Variants in PARP8 observed in about 807,000 individuals in gnomAD.
PARP8 encodes the protein protein mono-ADP-ribosyltransferase PARP8.
PARP8 carries 51 observed loss-of-function variants against 124.1 expected under a neutral mutation model. That is an observed-to-expected ratio of 0.41 (90% CI 0.33 to 0.52). The LOEUF is 0.52. PARP8 is among the 20% of genes least tolerant of loss of function. The pLI is 0.21. For missense variants in PARP8, 860 were observed against 1,018.9 expected, an observed-to-expected ratio of 0.84 and a Z score of 2.12; for synonymous variants, 391 against 361.5, an observed-to-expected ratio of 1.08 and a Z score of -0.93.
At chr5:50,687,268 T>C (rs1751973330) in intron 2 of PARP8, among the ~76,000 whole-genome samples, 1 of 152,186 alleles carries the variant, frequency 6.6e-6, no homozygotes, top group Admixed American at 6.5e-5. Context: ...GCTGCCAGTC[T>C]CTTTGCTAAA....
intron 10 of PARP8, among the ~76,000 whole-genome samples, chr5:50,792,014 G>A (rs1742012956): frequency 1.3e-5 from 2 of 152,170 alleles, no homozygotes; most frequent in African/African-American, 2.4e-5. Flanking sequence ...ATGTAAAACA[G>A]TGTGATGTCA....
chr5:50,706,623 T>A (rs1754176605), intron 2 of PARP8, among the ~76,000 whole-genome samples: 2 of 152,156 alleles, frequency 1.3e-5, no homozygotes, highest in South Asian at 4.1e-4. Context: ...TAAGACTATT[T>A]TCTCAGCATA....
At chr5:50,720,784 A>G (rs1430361232) in intron 2 of PARP8, among the ~76,000 whole-genome samples, 1 of 151,960 alleles carries the variant, frequency 6.6e-6, no homozygotes, top group East Asian at 1.9e-4. Context: ...GAAATACACC[A>G]TGCTTTTGAG....
chr5:50,761,244 G>A (rs990636410), intron 5 of PARP8, among the ~76,000 whole-genome samples: 1 of 151,920 alleles, frequency 6.6e-6, no homozygotes, highest in African/African-American at 2.4e-5. Flanking sequence ...GGCAGATGTG[G>A]CTCAGTTAAT....
chr5:50,725,908 T>C (rs1756379054), intron 2 of PARP8, among the ~76,000 whole-genome samples: 1 of 152,144 alleles, frequency 6.6e-6, no homozygotes, highest in Non-Finnish European at 1.5e-5. Context: ...CAAAGTTAGT[T>C]TTTCTGATTT....
intron 9 of PARP8, among the ~76,000 whole-genome samples, chr5:50,780,083 T>C (rs1181527591): frequency 2.0e-5 from 3 of 152,188 alleles, no homozygotes; most frequent in South Asian, 4.1e-4. Flanking sequence ...TGTTTCTGTT[T>C]TCTATGTGCA....
chr5:50,712,438 ATTCAAC>A (rs751985251), intron 2 of PARP8, among the ~76,000 whole-genome samples: 2 of 152,144 alleles, frequency 1.3e-5, no homozygotes, highest in Non-Finnish European at 2.9e-5. Context: ...TTTAGAATCT[ATTCAAC>A]TTCATATTGT....
At chr5:50,721,082 GTT>G (rs79339701) in intron 2 of PARP8, among the ~76,000 whole-genome samples, 8 of 137,092 alleles carry the variant, frequency 5.8e-5, no homozygotes, top group African/African-American at 2.6e-5. Flanking sequence ...TAAAATAATT[GTT>G]TTTTTTTTTT....
chr5:50,782,662 G>A (rs901609600), intron 9 of PARP8, among the ~76,000 whole-genome samples: 3 of 152,134 alleles, frequency 2.0e-5, no homozygotes, highest in African/African-American at 7.2e-5. Context: ...CTGTAAAGAA[G>A]TTACCACCTT....
At chr5:50,684,193 C>T (rs1171178855) in intron 2 of PARP8, among the ~76,000 whole-genome samples, 3 of 152,066 alleles carry the variant, frequency 2.0e-5, no homozygotes, top group African/African-American at 4.8e-5. Context: ...ATGTCTGATT[C>T]TCTTTGGGTT....
intron 1 of PARP8, chr5:50,667,584 C>T (rs534463952): frequency 2.9e-6 from 2 of 698,800 alleles, no homozygotes; most frequent in South Asian, 3.0e-5. Context: ...ATGGAGCCTG[C>T]TGCGCTGCGC....
At chr5:50,795,766 A>C (rs1742470065) in intron 12 of PARP8, among the ~76,000 whole-genome samples, 1 of 152,252 alleles carries the variant, frequency 6.6e-6, no homozygotes, top group South Asian at 2.1e-4. Context: ...AGGTGTATCT[A>C]ATCTCTGGTC....
intron 2 of PARP8, among the ~76,000 whole-genome samples, chr5:50,731,959 C>T (rs575830067): frequency 3.9e-5 from 6 of 152,194 alleles, no homozygotes; most frequent in Middle Eastern, 3.4e-3. Context: ...CATCTCCCTA[C>T]GGATATATTA....
chr5:50,834,931 T>A lies in PARP8; in HGVS notation c.2378T>A (p.Val793Glu). The change falls in exon 25 of 26, where the codon GTG (valine) becomes GAG (glutamate). Residue 793 changes from valine to glutamate, a missense_variant and splice_region_variant. By Grantham distance (121) the Val-to-Glu change is moderately radical (BLOSUM62 -2). Transcript: ENST00000281631. ...RNLKCIALCE[V>E]ITSSDLHKHG... Reference sequence around the variant, plus strand: ...TTTAATTTTATTTTCCACTTAACAGTGATCACCTCATCTGACCTGCACAAA... The same window carrying A: ...TTTAATTTTATTTTCCACTTAACAGAGATCACCTCATCTGACCTGCACAAA... 1 of 1,612,188 alleles carries A rather than the reference T, an allele frequency of 6.2e-7. No individual in the cohort carries two copies. The highest frequency in any genetic ancestry group is 8.5e-7 in the Non-Finnish European group (1 of 1,178,502).
rs1740576170 is a variant in PARP8 at position 50,780,735 on chromosome 5, C to T, written c.670+2085C>T. On this transcript the variant is annotated intron_variant, in intron 9 of 25. Transcript: ENST00000281631. ...GAGGGTTATGTTTTCTTTTTTCATA[C>T]CTGATAATGACTTTTTGTTTTGTGA... Among the ~76,000 whole-genome samples, 5 of 151,992 alleles carry T rather than the reference C, an allele frequency of 3.3e-5. No homozygotes were observed. In the South Asian group the frequency reaches 1.0e-3, roughly 31 times the overall value.
intron 3 of PARP8, among the ~76,000 whole-genome samples, chr5:50,755,521 T>C (rs1039299718): frequency 1.1e-4 from 16 of 152,196 alleles, no homozygotes; most frequent in African/African-American, 3.6e-4. Context: ...GAGGGCTCTG[T>C]ATTGTTCCAT....
chr5:50,731,583 C>T lies in PARP8; in HGVS notation c.147-18568C>T, dbSNP rs1017097549. ...ATTGTAAGGATATATTCATCCTGAT[C>T]GTAGTATGATGGGAAATGTTATTTT... On this transcript the variant is annotated intron_variant, in intron 2 of 25. Transcript: ENST00000281631. Among the ~76,000 whole-genome samples the T allele has an allele frequency of 9.2e-5, 14 of 152,086 alleles. 1 individual carries two copies. The South Asian group carries it at 2.3e-3, about 25-fold the overall frequency.
chr5:50,673,379 C>T (rs1750257847), intron 2 of PARP8, among the ~76,000 whole-genome samples: 1 of 152,106 alleles, frequency 6.6e-6, no homozygotes, highest in South Asian at 2.1e-4. Context: ...AAAATTTAAA[C>T]TCCATTTTCT....
intron 2 of PARP8, among the ~76,000 whole-genome samples, chr5:50,717,706 A>C (rs978808163): frequency 6.6e-6 from 1 of 152,022 alleles, no homozygotes; most frequent in Non-Finnish European, 1.5e-5. Context: ...AGAAACTGAG[A>C]GATCATGGTG....
Sources: allele counts gnomAD v4.1 joint callset (sites outside exome capture counted in the v4.1 genomes callset), GRCh38; gene constraint gnomAD v4.1.1; transcripts MANE v1.5; gene names NCBI Gene and HGNC (gene_info 2026-07-23, HGNC 2026-07-21).